The following PUS10 variants were observed in gnomAD, a reference collection of about 807,000 sequenced individuals.
PUS10 encodes the protein tRNA pseudouridine synthase Pus10.
In PUS10, 59 loss-of-function variants were observed where a neutral mutation model predicts 75.0. That is an observed-to-expected ratio of 0.79 (90% CI 0.64 to 0.98). The LOEUF (loss-of-function observed/expected upper bound fraction) is 0.98, where lower values mean the gene tolerates loss of function less well. PUS10 is among the 50% of genes least tolerant of loss of function. The pLI is 0.00. For missense variants in PUS10, 650 were observed against 614.4 expected (o/e 1.06, Z -0.61); for synonymous variants, 219 against 211.6 (o/e 1.03, Z -0.30).
chr2:60,961,733 G>A (rs1453658839), intron 9 of PUS10, among the ~76,000 whole-genome samples, 185 bp from the exon 10 acceptor site: 1 of 152,186 alleles, frequency 6.6e-6, no homozygotes, highest in Non-Finnish European at 1.5e-5. Context: ...GTGGCACTAA[G>A]TAAATAAGGG....
At position 60,967,522 on chromosome 2, in the gene PUS10, C is replaced by A; in HGVS notation, c.595G>T (p.Gly199Cys). Residue 199 changes from glycine (G) to cysteine (C), a missense_variant, in exon 6 of 18, where the codon GGT becomes TGT. Coordinates refer to ENST00000316752, the MANE Select transcript of PUS10 (RefSeq NM_144709.4). ...ITHPLFSEEL[G>C]VPIDGKSLFE... ...AATACCTTTCCATCAATGGGAACAC[C>A]CAGTTCCTCTGAAAACAGGGGGTGA... 2 of 1,602,204 alleles carry A rather than the reference C, an allele frequency of 1.2e-6. No homozygotes were observed. Among genetic ancestry groups the A allele is most frequent in the South Asian group, 2.2e-5 (2 of 89,726 alleles).
intron 4 of PUS10, among the ~76,000 whole-genome samples, chr2:60,994,966 T>C (rs752711605): frequency 7.9e-5 from 12 of 152,142 alleles, no homozygotes; most frequent in Non-Finnish European, 1.6e-4. Context: ...GACGAGCGTC[T>C]GTAGTCCCAG....
chr2:60,977,505 T>C (rs1193428825), intron 4 of PUS10, among the ~76,000 whole-genome samples: 1 of 152,200 alleles, frequency 6.6e-6, no homozygotes, highest in Non-Finnish European at 1.5e-5. Flanking sequence ...AAACATTTGA[T>C]ATTTGAATCT....
intron 13 of PUS10, 23 bp downstream of exon 13, chr2:60,954,059 T>C (rs762886634): frequency 6.2e-7 from 1 of 1,612,586 alleles, no homozygotes; most frequent in South Asian, 1.1e-5. Context: ...ACATGACGAT[T>C]TCCATGGCAT....
Position 60,953,963 on chromosome 2 carries a change from ATT to A in PUS10, c.1158_1159del (p.Lys386AsnfsTer5). 6.2e-7 allele frequency: 1 copy of A among 1,614,012 alleles called. No homozygotes were observed. On this transcript the variant is annotated frameshift_variant, in exon 14 of 18. Transcript: ENST00000316752. LOFTEE classifies it high-confidence loss of function. Reference sequence around the variant, plus strand: ...GACAAGCTGCAAGTCACGTACTTGGATTTTGTTAGATGAGTTATTAATTTTCT... The same window carrying A: ...GACAAGCTGCAAGTCACGTACTTGGATTGTTAGATGAGTTATTAATTTTCT...
intron 2 of PUS10, chr2:61,010,822 T>A: frequency 6.4e-7 from 1 of 1,550,512 alleles, no homozygotes; most frequent in Non-Finnish European, 8.7e-7. Context: ...AAATCCTAGC[T>A]TGCTCACTTA....
chr2:60,969,933 CA>C (rs906721290), intron 5 of PUS10, among the ~76,000 whole-genome samples: 8 of 151,510 alleles, frequency 5.3e-5, no homozygotes, highest in African/African-American at 1.7e-4. Flanking sequence ...ACTAAAAATA[CA>C]AAAAAAATTA....
In PUS10 at chr2:60,942,306, G is replaced by A; in HGVS notation, c.*89C>T. 1 of 1,014,280 alleles carries A rather than the reference G, an allele frequency of 9.9e-7. No individual in the cohort carries two copies. The highest frequency in any genetic ancestry group is 1.6e-6 in the Non-Finnish European group (1 of 633,454). The allele number at this position is 1,014,280 out of a possible 1,614,324, so 62.8% of individuals were successfully genotyped here. On this transcript the variant is annotated 3_prime_UTR_variant, in exon 18 of 18. Coordinates refer to ENST00000316752, the MANE Select transcript of PUS10 (RefSeq NM_144709.4). Reference sequence around the variant, plus strand: ...CAAATAGTTTTCAAGACACCGTTATGGTGGGTAAACAGCCATTTTACGGCA... The same window carrying A: ...CAAATAGTTTTCAAGACACCGTTATAGTGGGTAAACAGCCATTTTACGGCA...
chr2:61,013,154 G>A (rs568401852), intron 1 of PUS10, among the ~76,000 whole-genome samples: 2 of 151,770 alleles, frequency 1.3e-5, no homozygotes, highest in African/African-American at 2.4e-5. Context: ...TCAGAAGACC[G>A]AGGTGGGAGG....
intron 4 of PUS10, among the ~76,000 whole-genome samples, chr2:60,976,607 A>G (rs1417941378): frequency 2.0e-5 from 3 of 152,254 alleles, no homozygotes; most frequent in East Asian, 3.8e-4. Context: ...TGTCTTTAGT[A>G]TCTGAGACTT....
At chr2:60,952,878 A>C (rs1219104243) in intron 15 of PUS10, 119 bp downstream of exon 15, 5 of 609,304 alleles carry the variant, frequency 8.2e-6, no homozygotes, top group Non-Finnish European at 1.5e-5. Context: ...CTTGGAACCC[A>C]GGTCTTGCTG....
At chr2:60,969,370 C>A (rs1237111097) in intron 5 of PUS10, among the ~76,000 whole-genome samples, 1 of 152,160 alleles carries the variant, frequency 6.6e-6, no homozygotes, top group African/African-American at 2.4e-5. Context: ...AATAAGTTTC[C>A]TAATACAATT....
intron 15 of PUS10, among the ~76,000 whole-genome samples, chr2:60,952,067 G>A (rs1205157712): frequency 6.6e-6 from 1 of 152,140 alleles, no homozygotes. Flanking sequence ...CGGGCACGGT[G>A]CCTCATGCCT....
chr2:60,947,932 A>G, intron 16 of PUS10, 111 bp downstream of exon 16: 2 of 1,064,544 alleles, frequency 1.9e-6, no homozygotes, highest in Admixed American at 4.0e-5. Context: ...CTTCAGTATA[A>G]TCCTTTCCCG....
chr2:60,973,383 C>T (rs922032406), intron 4 of PUS10, among the ~76,000 whole-genome samples: 7 of 152,280 alleles, frequency 4.6e-5, no homozygotes, highest in African/African-American at 9.6e-5. Context: ...CCCCACAGGC[C>T]TGGAGGGGTC....
intron 1 of PUS10, among the ~76,000 whole-genome samples, chr2:61,012,971 C>T (rs1248743637): frequency 1.4e-5 from 2 of 147,436 alleles, no homozygotes; most frequent in Non-Finnish European, 3.0e-5. Flanking sequence ...AGGCAAGGTG[C>T]AGTGGCTCAC....
intron 4 of PUS10, among the ~76,000 whole-genome samples, chr2:60,984,229 G>T (rs1677582107): frequency 6.6e-6 from 1 of 152,150 alleles, no homozygotes; most frequent in Admixed American, 6.5e-5. Context: ...CAGAATTGAT[G>T]AAAGATTAAT....
chr2:60,964,755 C>T (rs577648308), intron 8 of PUS10, among the ~76,000 whole-genome samples: 5 of 152,190 alleles, frequency 3.3e-5, no homozygotes, highest in South Asian at 2.1e-4. Context: ...AAAATCTAAA[C>T]GTCGAATTTA....
chr2:60,998,438 T>A (rs1303928778), intron 4 of PUS10, among the ~76,000 whole-genome samples: 2 of 152,192 alleles, frequency 1.3e-5, no homozygotes, highest in African/African-American at 4.8e-5. Context: ...ATGCCTGTAA[T>A]CCTAGCACTT....
Sources: gnomAD v4.1 joint callset for allele counts (sites outside exome capture counted in the v4.1 genomes callset) on GRCh38, gnomAD v4.1.1 for gene constraint, MANE v1.5 for transcripts, NCBI Gene and HGNC (gene_info 2026-07-23, HGNC 2026-07-21) for gene names.